MYO16: variants seen among roughly 807,000 people sequenced by gnomAD.
The protein encoded by MYO16 is myosin XVI, also known as unconventional myosin-XVI.
Under a neutral mutation model 205.3 loss-of-function variants are expected in MYO16, and 94 were observed. The observed-to-expected ratio is 0.46, with a 90% CI of 0.39 to 0.54. MYO16 has a LOEUF of 0.54. Ranked by LOEUF, MYO16 falls within the 20% of genes least tolerant of loss-of-function variation. The pLI is 0.00. For missense variants in MYO16, 2,315 were observed against 2,387.5 expected (o/e 0.97, Z 0.63); for synonymous variants, 988 against 954.0 (o/e 1.04, Z -0.66).
chr13:108,911,066 C>CAGAGAG (rs1555311803), intron 16 of MYO16, among the ~76,000 whole-genome samples: 4,186 of 143,048 alleles, frequency 0.029, 92 homozygotes, highest in South Asian at 0.049. Context: ...CACACACACA[C>CAGAGAG]AGAGAGAGAG....
chr13:109,119,907 G>A (rs532042191), intron 28 of MYO16, among the ~76,000 whole-genome samples: 3 of 152,216 alleles, frequency 2.0e-5, no homozygotes, highest in African/African-American at 7.2e-5. Context: ...TGGCATAGTG[G>A]GAAAAATTAT....
Position 109,162,517 on chromosome 13 carries a change from C to T in MYO16, c.5165-2384C>T, listed in dbSNP as rs1878437073. On this transcript the variant is annotated intron_variant, in intron 32 of 34. Coordinates refer to ENST00000457511, the MANE Select transcript of MYO16 (RefSeq NM_001198950.3). The surrounding 1 kb of genome is among the most constrained non-coding windows in gnomAD (Gnocchi z 4.6). Reference sequence around the variant, plus strand: ...CGAGCTGAAATGCAACCTCATGGACCTCACCCACCTTGCCTGGCTGCCCAC... The same window carrying T: ...CGAGCTGAAATGCAACCTCATGGACTTCACCCACCTTGCCTGGCTGCCCAC... 6.6e-6 allele frequency among the ~76,000 whole-genome samples: 1 copy of T among 152,118 alleles called. No individual in the cohort carries two copies. Among genetic ancestry groups the T allele is most frequent in the African/African-American group, 2.4e-5 (1 of 41,416 alleles).
the MYO16 span, among the ~76,000 whole-genome samples, chr13:108,516,481 C>T: frequency 7.2e-5 from 11 of 152,154 alleles, no homozygotes; most frequent in African/African-American, 2.2e-4. Flanking sequence ...TGTTCCTATT[C>T]GGCCATCTTG....
At position 108,967,153 on chromosome 13, in the gene MYO16, A is replaced by ATGTGTGTGTGTGTGTG. The variant is rs568054141; in HGVS notation, c.2369+2252_2369+2253insGTGTGTGTGTGTGTGT. On this transcript the variant is annotated intron_variant, in intron 20 of 34. Coordinates refer to ENST00000457511, the MANE Select transcript of MYO16 (RefSeq NM_001198950.3). The stretch of plus-strand genomic sequence containing the variant: ...ATACAGACATGTATACTGACTATAT[A>ATGTGTGTGTGTGTGTG]TATGTGTGTGTGTGTGTGTGTGTGT... 1.9e-4 allele frequency among the ~76,000 whole-genome samples: 28 copies of ATGTGTGTGTGTGTGTG among 150,964 alleles called. No homozygotes were observed. In the East Asian group the frequency reaches 2.1e-3, roughly 12 times the overall value.
chr13:109,075,300 G>C (rs537323151), intron 27 of MYO16, among the ~76,000 whole-genome samples: 1 of 123,356 alleles, frequency 8.1e-6, no homozygotes, highest in Non-Finnish European at 1.8e-5. Context: ...GTTCCCTTTT[G>C]TCTTCCCGTC....
chr13:108,576,069 C>A, the MYO16 span, among the ~76,000 whole-genome samples: 2 of 152,184 alleles, frequency 1.3e-5, no homozygotes, highest in Admixed American at 1.3e-4. Context: ...AAGAAAAAGG[C>A]AAATCTGGAG....
At chr13:109,005,708 C>T (rs973320400) in intron 21 of MYO16, among the ~76,000 whole-genome samples, 3 of 152,088 alleles carry the variant, frequency 2.0e-5, no homozygotes, top group Admixed American at 6.5e-5. Context: ...GCTACACCTA[C>T]GCACAACATT....
intron 2 of MYO16, among the ~76,000 whole-genome samples, chr13:108,681,995 A>C (rs544976736): frequency 6.6e-6 from 1 of 152,338 alleles, no homozygotes; most frequent in South Asian, 2.1e-4. Flanking sequence ...GTAAATGATC[A>C]GGCCCCATCA....
chr13:108,844,944 C>CGT (rs139662631), intron 10 of MYO16, among the ~76,000 whole-genome samples: 6 of 151,444 alleles, frequency 4.0e-5, no homozygotes, highest in African/African-American at 7.3e-5. Context: ...GTTTATGTTG[C>CGT]GTGTGTGTGT....
At chr13:109,114,859 G>A (rs1014063659) in intron 28 of MYO16, among the ~76,000 whole-genome samples, 1 of 151,952 alleles carries the variant, frequency 6.6e-6, no homozygotes, top group Non-Finnish European at 1.5e-5. Flanking sequence ...TAAATTAAGT[G>A]ACACATACAA....
intron 2 of MYO16, among the ~76,000 whole-genome samples, chr13:108,696,609 A>T (rs1883099894): frequency 6.6e-6 from 1 of 152,196 alleles, no homozygotes; most frequent in Non-Finnish European, 1.5e-5. Flanking sequence ...AAGGACCAGG[A>T]GGGAACTTCC....
At chr13:109,065,998 A>G (rs1219586271) in intron 27 of MYO16, among the ~76,000 whole-genome samples, 2 of 152,204 alleles carry the variant, frequency 1.3e-5, no homozygotes, top group Non-Finnish European at 2.9e-5. Flanking sequence ...CTGTGTTTTT[A>G]GATTGTTACT....
At chr13:108,569,065 C>T in the MYO16 span, among the ~76,000 whole-genome samples, 1 of 152,028 alleles carries the variant, frequency 6.6e-6, no homozygotes, top group Non-Finnish European at 1.5e-5. Context: ...ATTATTGTAG[C>T]ATGCAGTAAG....
chr13:109,173,730 C>T (rs983247688), intron 33 of MYO16, among the ~76,000 whole-genome samples: 7 of 151,474 alleles, frequency 4.6e-5, no homozygotes, highest in Middle Eastern at 3.2e-3. Context: ...CCCGTCTCTA[C>T]TAAAAATGCA....
chr13:108,796,516 C>A (rs1594300864), intron 6 of MYO16, among the ~76,000 whole-genome samples: 1 of 152,228 alleles, frequency 6.6e-6, no homozygotes, highest in South Asian at 2.1e-4. Flanking sequence ...TGGAACCAAT[C>A]CAAATATCCA....
At chr13:108,590,049 T>C in the MYO16 span, among the ~76,000 whole-genome samples, 1 of 152,196 alleles carries the variant, frequency 6.6e-6, no homozygotes, top group Non-Finnish European at 1.5e-5. Flanking sequence ...ATAATCCATA[T>C]TATACTGCTT....
the MYO16 span, among the ~76,000 whole-genome samples, chr13:108,519,635 A>G: frequency 6.7e-6 from 1 of 149,264 alleles, no homozygotes; most frequent in Admixed American, 6.7e-5. Flanking sequence ...ATACACACAC[A>G]CACACACACA....
At chr13:108,733,155 G>C (rs574330635) in intron 4 of MYO16, among the ~76,000 whole-genome samples, 14 of 152,076 alleles carry the variant, frequency 9.2e-5, no homozygotes, top group Non-Finnish European at 1.8e-4. Flanking sequence ...TGTGTAGAGG[G>C]GGCATCGTCT....
chr13:108,630,380 G>T (rs929008918), intron 1 of MYO16, among the ~76,000 whole-genome samples: 1 of 152,072 alleles, frequency 6.6e-6, no homozygotes, highest in Non-Finnish European at 1.5e-5. Flanking sequence ...TTCACCTTGC[G>T]GTGCTTAGGG....
Sources: gnomAD v4.1 joint callset for allele counts (sites outside exome capture counted in the v4.1 genomes callset) on GRCh38, gnomAD v4.1.1 for gene constraint, Gnocchi (gnomAD v3.1) non-coding constraint, MANE v1.5 for transcripts, NCBI Gene and HGNC (gene_info 2026-07-23, HGNC 2026-07-21) for gene names.